Variants in NOTCH2 observed in about 807,000 individuals in gnomAD.
NOTCH2 encodes notch receptor 2.
A neutral mutation model predicts 235.8 loss-of-function variants in NOTCH2; 29 were observed. The ratio of observed to expected loss-of-function variants is 0.12; its 90% CI spans 0.09 to 0.17. The LOEUF (loss-of-function observed/expected upper bound fraction) is 0.17, where lower values mean the gene tolerates loss of function less well. NOTCH2 is among the 10% of genes least tolerant of loss of function. The pLI is 1.00. For missense variants in NOTCH2, 2,285 were observed against 3,150.2 expected, an observed-to-expected ratio of 0.73 and a Z score of 6.57; for synonymous variants, 1,086 against 1,141.5, an observed-to-expected ratio of 0.95 and a Z score of 0.98.
chr1:119,948,639 G>T, intron 16 of NOTCH2, 73 bp from the exon 17 acceptor site: 1 of 1,555,792 alleles, frequency 6.4e-7, no homozygotes, highest in Non-Finnish European at 8.9e-7. Flanking sequence ...CAGGACCTGA[G>T]CTTAGTTGGG....
chr1:119,975,504 G>A (rs1333130725), intron 5 of NOTCH2, among the ~76,000 whole-genome samples: 1 of 152,096 alleles, frequency 6.6e-6, no homozygotes, highest in Admixed American at 6.6e-5. Flanking sequence ...AAATTAACTG[G>A]GCATGATGGT....
intron 4 of NOTCH2, among the ~76,000 whole-genome samples, chr1:119,989,537 T>C (rs1188745845): frequency 6.6e-6 from 1 of 152,122 alleles, no homozygotes; most frequent in African/African-American, 2.4e-5. Flanking sequence ...GAAAAGACAG[T>C]ATATAGAATG....
At chr1:119,972,118 G>A (rs921176171) in intron 5 of NOTCH2, among the ~76,000 whole-genome samples, 1 of 151,000 alleles carries the variant, frequency 6.6e-6, no homozygotes, top group East Asian at 2.0e-4. Context: ...GTGAGAAAGG[G>A]AGGGAGGAAG....
intron 1 of NOTCH2, chr1:120,069,115 C>G: frequency 6.6e-7 from 1 of 1,523,830 alleles, no homozygotes; most frequent in Non-Finnish European, 8.8e-7. Flanking sequence ...GGTCCCGGGC[C>G]GCGGGGAGCA....
At chr1:119,982,706 C>T (rs587691337) in intron 5 of NOTCH2, among the ~76,000 whole-genome samples, 2 of 152,366 alleles carry the variant, frequency 1.3e-5, no homozygotes, top group Admixed American at 6.5e-5. Flanking sequence ...CTATAAGACA[C>T]TTCCCTATAA....
At chr1:119,956,102 C>T (rs1451086397) in intron 12 of NOTCH2, among the ~76,000 whole-genome samples, 1 of 152,146 alleles carries the variant, frequency 6.6e-6, no homozygotes, top group Non-Finnish European at 1.5e-5. Context: ...GAATATGTTG[C>T]TCCTCCAAGA....
chr1:119,987,831 A>T (rs979694527), intron 4 of NOTCH2, among the ~76,000 whole-genome samples: 4 of 152,182 alleles, frequency 2.6e-5, no homozygotes, highest in Non-Finnish European at 5.9e-5. Flanking sequence ...CTCTTCTCTA[A>T]ACTTACAGCA....
intron 4 of NOTCH2, chr1:119,995,760 G>A (rs1490624646): frequency 6.6e-6 from 1 of 152,160 alleles, no homozygotes; most frequent in African/African-American, 2.4e-5. Flanking sequence ...TCAATTATGT[G>A]ACAATGCTTT....
intron 1 of NOTCH2, among the ~76,000 whole-genome samples, chr1:120,040,864 C>A (rs1211734773): frequency 2.7e-5 from 4 of 149,650 alleles, no homozygotes. Context: ...GGTGAAACCA[C>A]ATCTCTACTA....
Position 120,023,309 on chromosome 1 carries a change from C to T in NOTCH2, c.155+6597G>A, listed in dbSNP as rs587693364. Among the ~76,000 whole-genome samples the T allele has an allele frequency of 8.0e-3, 1,206 of 150,816 alleles. 14 individuals are homozygous for T. Among genetic ancestry groups the T allele is most frequent in the African/African-American group, 0.026 (1,079 of 40,914 alleles). On this transcript the variant is annotated intron_variant, in intron 2 of 33. Transcript: ENST00000256646. ...AAAATTAGCCGGGCGTGGTGGCGGG[C>T]GCTTGTAGTCCCGGCTACTTGAGAG...
chr1:119,938,251 G>A (rs1041255900), intron 19 of NOTCH2, among the ~76,000 whole-genome samples: 1 of 151,746 alleles, frequency 6.6e-6, no homozygotes, highest in Non-Finnish European at 1.5e-5. Context: ...GTGACTTTAA[G>A]GACAACGATA....
In NOTCH2 at chr1:119,926,542, A is replaced by C. The variant is rs1288655003; in HGVS notation, c.3962T>G (p.Val1321Gly). 1.9e-6 allele frequency: 3 copies of C among 1,608,838 alleles called. No homozygotes were observed. In the South Asian group the frequency reaches 3.3e-5, roughly 18 times the overall value. Residue 1321 changes from valine to glycine, a missense_variant, in exon 24 of 34, where the codon GTG becomes GGG. Physicochemically the swap from Val to Gly is moderately radical, Grantham distance 109. Around this residue, in one of 6 missense-constraint regions of NOTCH2, gnomAD observed 1,173 missense variants for 1,515.3 expected, o/e 0.77. Coordinates refer to ENST00000256646, the MANE Select transcript of NOTCH2 (RefSeq NM_024408.4). Reference sequence around the variant, plus strand: ...GAAACCATCAGGCATGTTACTGGCCACAGCACAAGTCCCTCCATTCAGGCA... The same window carrying C: ...GAAACCATCAGGCATGTTACTGGCCCCAGCACAAGTCCCTCCATTCAGGCA... ...MPCLNGGTCA[V>G]ASNMPDGFIC...
chr1:119,975,755 A>C (rs1651555400), intron 5 of NOTCH2, among the ~76,000 whole-genome samples: 2 of 152,052 alleles, frequency 1.3e-5, no homozygotes, highest in Non-Finnish European at 2.9e-5. Context: ...CCTCATTAGC[A>C]CCACGCTTCA....
intron 13 of NOTCH2, 86 bp from the exon 14 acceptor site, chr1:119,953,774 GGGGT>G: frequency 8.7e-7 from 1 of 1,152,214 alleles, no homozygotes; most frequent in Non-Finnish European, 1.3e-6. Flanking sequence ...GTGAAGAAAT[GGGGT>G]AAACTGATCT....
chr1:119,950,281 G>A (rs1650420751), intron 15 of NOTCH2: 3 of 357,816 alleles, frequency 8.4e-6, no homozygotes, highest in African/African-American at 6.4e-5. Context: ...TGTGTAAAAT[G>A]GCAATAGGAA....
intron 5 of NOTCH2, among the ~76,000 whole-genome samples, chr1:119,981,336 T>C (rs1327959508): frequency 1.3e-5 from 2 of 152,196 alleles, no homozygotes; most frequent in Non-Finnish European, 2.9e-5. Context: ...TGGTTATGTG[T>C]GGACTTTCTT....
intron 12 of NOTCH2, among the ~76,000 whole-genome samples, chr1:119,958,729 T>C (rs1301055021): frequency 1.3e-5 from 2 of 151,724 alleles, no homozygotes; most frequent in African/African-American, 4.8e-5. Flanking sequence ...TGTGTGTGTG[T>C]GTGTGTGTGT....
In NOTCH2 at chr1:119,968,128, G is replaced by C; in HGVS notation, c.1213C>G (p.Gln405Glu). The stretch of plus-strand genomic sequence containing the variant: ...GTGCAGTCAGCCCCTTTGTAGCCTT[G>C]TGGGCAGGTGCAAATATATTGCCCA... Reference protein sequence around the residue: ...LNGQYICTCPQGYKGADCTED... With the variant: ...LNGQYICTCPEGYKGADCTED... Residue 405 changes from glutamine (Q) to glutamate (E), a missense_variant, in exon 7 of 34, where the codon CAA becomes GAA. This residue lies in a region of NOTCH2 where 431 missense variants were observed against 757.8 expected (regional missense o/e 0.57). Transcript: ENST00000256646. 6.2e-7 allele frequency: 1 copy of C among 1,614,120 alleles called. No homozygotes were observed. Among genetic ancestry groups the C allele is most frequent in the African/African-American group, 1.3e-5 (1 of 75,050 alleles).
chr1:120,066,477 C>A (rs1269240899), intron 1 of NOTCH2, among the ~76,000 whole-genome samples: 3 of 147,722 alleles, frequency 2.0e-5, no homozygotes, highest in Non-Finnish European at 4.5e-5. Flanking sequence ...GGAGGAGGAT[C>A]ACTAGGAATG....
Sources: gnomAD v4.1 joint callset for allele counts (sites outside exome capture counted in the v4.1 genomes callset) on GRCh38, gnomAD v4.1.1 for gene constraint, gnomAD v4.1.1 regional missense constraint, MANE v1.5 for transcripts, NCBI Gene and HGNC (gene_info 2026-07-23, HGNC 2026-07-21) for gene names.